The following SYNE2 variants were observed in gnomAD, a reference collection of about 807,000 sequenced individuals.
The protein encoded by SYNE2 is spectrin repeat containing nuclear envelope protein 2.
In SYNE2, 431 loss-of-function variants were observed where a neutral mutation model predicts 856.3. That is an observed-to-expected ratio of 0.50 (90% CI 0.47 to 0.55). The LOEUF is 0.55. Among genes scored for constraint, SYNE2 ranks in the 20% least tolerant of loss-of-function variants. The probability of loss-of-function intolerance (pLI) is 0.00; values close to 1 mark genes in which losing one functional copy is unlikely to be tolerated. For missense variants in SYNE2, 8,129 were observed against 8,023.2 expected (o/e 1.01, Z -0.50); for synonymous variants, 2,923 against 2,872.3 (o/e 1.02, Z -0.56).
chr14:64,145,800 T>C (rs1293024083), intron 83 of SYNE2, among the ~76,000 whole-genome samples: 3 of 152,164 alleles, frequency 2.0e-5, no homozygotes, highest in Non-Finnish European at 4.4e-5. Context: ...TTGGGAACAT[T>C]TTATTTTGTA....
rs550707327 is a variant in SYNE2 at position 64,184,612 on chromosome 14, G to C, written c.17557-1812G>C. 1.6e-4 allele frequency among the ~76,000 whole-genome samples: 25 copies of C among 152,286 alleles called. No homozygotes were observed. In the East Asian group the frequency reaches 4.2e-3, roughly 26 times the overall value. Reference sequence around the variant, plus strand: ...TCTGTTTGAAGCTCAGAGGTTTCCAGATCTCCAATTTCAAGTCAGTAAGTG... The same window carrying C: ...TCTGTTTGAAGCTCAGAGGTTTCCACATCTCCAATTTCAAGTCAGTAAGTG... On this transcript the variant is annotated intron_variant, in intron 96 of 115. Coordinates refer to ENST00000555002, the MANE Select transcript of SYNE2 (RefSeq NM_182914.3).
chr14:64,225,768 A>C lies in SYNE2; in HGVS notation c.*242A>C, dbSNP rs943128465. The C allele has an allele frequency of 6.7e-6, 4 of 598,074 alleles. No individual in the cohort carries two copies. Among genetic ancestry groups the C allele is most frequent in the East Asian group, 2.8e-5 (1 of 36,182 alleles). The allele number at this position is 598,074 out of a possible 1,614,324, so 37.0% of individuals were successfully genotyped here. A position where few individuals can be genotyped will look rare whatever the true frequency, so the allele number is the denominator to read the frequency against. The stretch of plus-strand genomic sequence containing the variant: ...GGTATTTTGGCAGAACTAGTTGATT[A>C]GTTTAGGGATCTCTGGAAATGTCAG... On this transcript the variant is annotated 3_prime_UTR_variant, in exon 116 of 116. Transcript: ENST00000555002.
intron 6 of SYNE2, among the ~76,000 whole-genome samples, chr14:63,948,131 G>T (rs1458668342): frequency 6.8e-6 from 1 of 146,774 alleles, no homozygotes; most frequent in Non-Finnish European, 1.5e-5. Flanking sequence ...TTTCACACGT[G>T]TGCGTGCGCG....
chr14:64,000,669 A>T lies in SYNE2; in HGVS notation c.3588A>T (p.Arg1196Ser), dbSNP rs762435077. 6.2e-7 allele frequency: 1 copy of T among 1,613,628 alleles called. No individual in the cohort carries two copies. Among genetic ancestry groups the T allele is most frequent in the Admixed American group, 1.7e-5 (1 of 60,008 alleles). ...DIKKPFVIKE[R>S]DTLKEREREL... ...AAAAGCCTTTTGTAATTAAGGAAAG[A>T]GACACACTAAAGGAAAGAGAAAGAG... The change falls in exon 28 of 116, where the codon AGA becomes AGT. Residue 1196 changes from arginine to serine, a missense_variant. Arg to Ser is a moderately radical substitution (Grantham distance 110). This residue lies in a region of SYNE2 where 2,422 missense variants were observed against 2,357.4 expected (regional missense o/e 1.03). Coordinates refer to ENST00000555002, the MANE Select transcript of SYNE2 (RefSeq NM_182914.3).
intron 60 of SYNE2, among the ~76,000 whole-genome samples, chr14:64,092,825 G>A (rs555325060): frequency 3.9e-5 from 6 of 152,066 alleles, no homozygotes; most frequent in Admixed American, 6.5e-5. Context: ...CCTCTTACTC[G>A]TAAAACACAC....
chr14:64,126,996 C>T (rs183556713), intron 73 of SYNE2, among the ~76,000 whole-genome samples, 189 bp downstream of exon 73: 49 of 152,278 alleles, frequency 3.2e-4, no homozygotes, highest in African/African-American at 7.7e-4. Context: ...CAGTGGCTCA[C>T]GCCTGTAATC....
Position 64,137,915 on chromosome 14 carries a change from G to C in SYNE2, c.14775G>C (p.Trp4925Cys). Residue 4925 changes from tryptophan to cysteine, a missense_variant, in exon 79 of 116, where the codon TGG (tryptophan) becomes TGC (cysteine). Coordinates refer to ENST00000555002, the MANE Select transcript of SYNE2 (RefSeq NM_182914.3). ...AGATCGCAAAACTGGAAGAGCAGTGGTTGTCCCTGAACAAGAAAATTGACC... is the reference window on the plus strand; with the variant it reads ...AGATCGCAAAACTGGAAGAGCAGTGCTTGTCCCTGAACAAGAAAATTGACC... ...EGQIAKLEEQ[W>C]LSLNKKIDHE... is the part of the protein sequence containing the mutation. 6.2e-7 allele frequency: 1 copy of C among 1,614,202 alleles called. No homozygotes were observed.
intron 99 of SYNE2, among the ~76,000 whole-genome samples, chr14:64,200,463 G>C (rs1048968225): frequency 3.9e-5 from 6 of 152,212 alleles, no homozygotes; most frequent in African/African-American, 1.4e-4. Flanking sequence ...GGGGTTCTCA[G>C]CTACCCTGGT....
intron 1 of SYNE2, among the ~76,000 whole-genome samples, chr14:63,809,230 A>G (rs1338690063): frequency 7.2e-5 from 11 of 152,176 alleles, no homozygotes; most frequent in Admixed American, 5.2e-4. Flanking sequence ...CGTTTAAAAA[A>G]AAAAAAGTAA....
At chr14:63,889,636 C>T (rs1032200529) in intron 1 of SYNE2, among the ~76,000 whole-genome samples, 9 of 151,864 alleles carry the variant, frequency 5.9e-5, no homozygotes, top group African/African-American at 1.9e-4. Context: ...GCCATGACAC[C>T]AGGCTAATTA....
At chr14:63,870,229 C>G (rs943891489) in intron 1 of SYNE2, among the ~76,000 whole-genome samples, 2 of 152,104 alleles carry the variant, frequency 1.3e-5, no homozygotes, top group African/African-American at 4.8e-5. Flanking sequence ...TACTCTCCTC[C>G]ACTCTCCACC....
chr14:63,948,808 A>ATATATGTATGTGTGTGTGTGTG (rs2096096469), intron 6 of SYNE2, among the ~76,000 whole-genome samples: 2 of 105,688 alleles, frequency 1.9e-5, no homozygotes, highest in Non-Finnish European at 3.8e-5. Context: ...ATATATATAT[A>ATATATGTATGTGTGTGTGTGTG]TATATATATA....
At chr14:64,090,284 C>G (rs1167382813) in intron 59 of SYNE2, among the ~76,000 whole-genome samples, 3 of 152,212 alleles carry the variant, frequency 2.0e-5, no homozygotes, top group Admixed American at 6.5e-5. Context: ...GGTTAGGATA[C>G]TTACCTCTCG....
chr14:63,855,569 T>C (rs1891509980), intron 1 of SYNE2, among the ~76,000 whole-genome samples: 1 of 152,184 alleles, frequency 6.6e-6, no homozygotes. Context: ...CTCTAATGGC[T>C]CTTGTTGATC....
At chr14:63,926,406 A>G (rs1156864510) in intron 2 of SYNE2, among the ~76,000 whole-genome samples, 1 of 152,152 alleles carries the variant, frequency 6.6e-6, no homozygotes, top group Admixed American at 6.5e-5. Flanking sequence ...GTGTAGACTA[A>G]ACGTAGTCTA....
At chr14:63,833,468 A>G (rs961363043) in intron 1 of SYNE2, among the ~76,000 whole-genome samples, 4 of 152,228 alleles carry the variant, frequency 2.6e-5, no homozygotes, top group East Asian at 1.9e-4. Flanking sequence ...AGCCAGACAT[A>G]TAACAGACCA....
chr14:63,888,762 G>A (rs918644372), intron 1 of SYNE2, among the ~76,000 whole-genome samples: 3 of 152,108 alleles, frequency 2.0e-5, no homozygotes, highest in Non-Finnish European at 2.9e-5. Flanking sequence ...ACTAATCCTT[G>A]TTGTTCTTTT....
chr14:63,997,607 A>G (rs1307812242), intron 25 of SYNE2, among the ~76,000 whole-genome samples: 1 of 152,174 alleles, frequency 6.6e-6, no homozygotes, highest in East Asian at 1.9e-4. Flanking sequence ...TTCTGAGTAT[A>G]CAAATAGTTC....
At chr14:64,152,785 T>A in intron 85 of SYNE2, 69 bp downstream of exon 85, 2 of 1,599,630 alleles carry the variant, frequency 1.3e-6, no homozygotes, top group Admixed American at 3.3e-5. Flanking sequence ...TCGTTGTAGT[T>A]GTTTTCGTCC....
Sources: gnomAD v4.1 joint callset for allele counts (sites outside exome capture counted in the v4.1 genomes callset) on GRCh38, gnomAD v4.1.1 for gene constraint, gnomAD v4.1.1 regional missense constraint, MANE v1.5 for transcripts, NCBI Gene and HGNC (gene_info 2026-07-23, HGNC 2026-07-21) for gene names.